The following UGT1A9 variants were observed in gnomAD, a reference collection of about 807,000 sequenced individuals.
UGT1A9 encodes UDP glucuronosyltransferase family 1 member A9.
UGT1A9 carries 35 observed loss-of-function variants against 45.0 expected under a neutral mutation model. That is an observed-to-expected ratio of 0.78 (90% CI 0.59 to 1.03). The LOEUF is 1.03. Among genes scored for constraint, UGT1A9 ranks in the 50% least tolerant of loss-of-function variants. The pLI is 0.00. For synonymous variants in UGT1A9, 278 were observed against 250.6 expected, an observed-to-expected ratio of 1.11 and a Z score of -1.03; for missense variants, 687 against 666.6, an observed-to-expected ratio of 1.03 and a Z score of -0.34.
At chr2:233,767,824 G>A (rs201092075) in intron 2 of UGT1A9, 25 bp from the exon 3 acceptor site, 82 of 1,614,024 alleles carry the variant, frequency 5.1e-5, no homozygotes, top group East Asian at 2.7e-4. Flanking sequence ...CTTTCTTTAC[G>A]TTCTGCTCTT....
intron 1 of UGT1A9, among the ~76,000 whole-genome samples, chr2:233,730,769 G>A (rs1017824034): frequency 2.0e-5 from 3 of 152,108 alleles, no homozygotes; most frequent in Non-Finnish European, 4.4e-5. Context: ...GAATCTATAA[G>A]CCCAGTGAAG....
At chr2:233,684,518 AT>A (rs1229903576) in intron 1 of UGT1A9, among the ~76,000 whole-genome samples, 3 of 152,210 alleles carry the variant, frequency 2.0e-5, no homozygotes, top group Non-Finnish European at 2.9e-5. Context: ...TGTAGAAATT[AT>A]ATATGATTCT....
intron 1 of UGT1A9, among the ~76,000 whole-genome samples, chr2:233,724,370 GC>G (rs1390000328): frequency 6.8e-6 from 1 of 148,040 alleles, no homozygotes; most frequent in Non-Finnish European, 1.5e-5. Flanking sequence ...GGACGGGGTG[GC>G]TGCCGGGCGG....
intron 1 of UGT1A9, among the ~76,000 whole-genome samples, chr2:233,688,937 A>G (rs2074920276): frequency 6.6e-6 from 1 of 152,204 alleles, no homozygotes; most frequent in South Asian, 2.1e-4. Flanking sequence ...TGGCAGGTGC[A>G]GCATGAAGCC....
intron 1 of UGT1A9, chr2:233,741,713 C>T (rs1022518574): frequency 6.6e-6 from 1 of 151,840 alleles, no homozygotes; most frequent in South Asian, 2.1e-4. Flanking sequence ...TCTGAGGGTT[C>T]TAGAGCATAT....
intron 1 of UGT1A9, chr2:233,717,716 G>A (rs2076600817): frequency 2.2e-6 from 1 of 453,938 alleles, no homozygotes; most frequent in Admixed American, 2.4e-5. Flanking sequence ...GAGCCTCATG[G>A]GCATGAGACC....
chr2:233,741,097 A>C (rs1691564364), intron 1 of UGT1A9, among the ~76,000 whole-genome samples: 1 of 151,840 alleles, frequency 6.6e-6, no homozygotes, highest in South Asian at 2.1e-4. Flanking sequence ...ACAAGCAAAC[A>C]GACAATCAAG....
chr2:233,719,326 CTG>C, intron 1 of UGT1A9: 1 of 1,613,946 alleles, frequency 6.2e-7, no homozygotes. Context: ...TCGATTCCTG[CTG>C]TGTTTTTTTG....
In UGT1A9 at chr2:233,772,599, C is replaced by G. The variant is rs1313882407; in HGVS notation, c.*40C>G. 1 of 1,591,492 alleles carries G rather than the reference C, an allele frequency of 6.3e-7. No homozygotes were observed. Among genetic ancestry groups the G allele is most frequent in the Admixed American group, 1.8e-5 (1 of 56,352 alleles). On this transcript the variant is annotated 3_prime_UTR_variant, in exon 5 of 5. Transcript: ENST00000354728. Reference sequence around the variant, plus strand: ...ATAAGGTAAAATTTTGAACCATTCCCTAGTCATTTCCAAACTTGAAAACAG... The same window carrying G: ...ATAAGGTAAAATTTTGAACCATTCCGTAGTCATTTCCAAACTTGAAAACAG...
chr2:233,703,725 A>AC (rs2125593677), intron 1 of UGT1A9, among the ~76,000 whole-genome samples: 1 of 152,128 alleles, frequency 6.6e-6, no homozygotes, highest in East Asian at 1.9e-4. Flanking sequence ...TTAAATATAA[A>AC]CTTTTTTTTG....
At chr2:233,729,018 A>G in intron 1 of UGT1A9, 6 of 1,591,202 alleles carry the variant, frequency 3.8e-6, no homozygotes, top group Non-Finnish European at 5.1e-6. Context: ...TCTTCCAATT[A>G]CACGTTGATT....
chr2:233,715,167 C>T (rs767247099), intron 1 of UGT1A9, among the ~76,000 whole-genome samples: 6 of 152,042 alleles, frequency 3.9e-5, no homozygotes, highest in Non-Finnish European at 7.4e-5. Flanking sequence ...ATTACAGGCG[C>T]GAGCCACCAC....
At position 233,723,536 on chromosome 2, in the gene UGT1A9, T is replaced by TTTA. The variant is rs1553611580; in HGVS notation, c.856-43498_856-43497insTTA. Among the ~76,000 whole-genome samples, 173 of 121,466 alleles carry TTTA rather than the reference T, an allele frequency of 1.4e-3. 3 individuals carry two copies. Among genetic ancestry groups the TTTA allele is most frequent in the African/African-American group, 3.3e-3 (98 of 29,940 alleles). 79.7% of individuals were successfully genotyped at this position (121,466 alleles called of 152,430 possible). A position where few individuals can be genotyped will look rare whatever the true frequency, so the allele number is the denominator to read the frequency against. On this transcript the variant is annotated intron_variant, in intron 1 of 4. Transcript: ENST00000354728. Reference sequence around the variant, plus strand: ...ACAATCTTTTTTTTTTTTTTTTTTTTAATTTATTTTTTTATTGATAATTCT... The same window carrying TTTA: ...ACAATCTTTTTTTTTTTTTTTTTTTTTTAAATTTATTTTTTTATTGATAATTCT...
chr2:233,719,074 C>T, intron 1 of UGT1A9: 1 of 1,614,224 alleles, frequency 6.2e-7, no homozygotes, highest in Non-Finnish European at 8.5e-7. Flanking sequence ...GTTCCATGGA[C>T]CCAGAAGGAA....
At chr2:233,691,502 G>A (rs1304193805) in intron 1 of UGT1A9, 2 of 985,742 alleles carry the variant, frequency 2.0e-6, no homozygotes, top group Non-Finnish European at 2.4e-6. Flanking sequence ...ACAGGAACTC[G>A]CGTGCCAGCC....
intron 1 of UGT1A9, among the ~76,000 whole-genome samples, chr2:233,765,129 C>T (rs936294408): frequency 1.3e-5 from 2 of 152,146 alleles, no homozygotes; most frequent in African/African-American, 2.4e-5. Flanking sequence ...CAGGTTTTAG[C>T]ACTGAACATC....
chr2:233,760,536 C>T (rs2125985634), intron 1 of UGT1A9: 27 of 1,614,224 alleles, frequency 1.7e-5, no homozygotes, highest in Non-Finnish European at 2.3e-5. Flanking sequence ...CTGTGCCATT[C>T]CAAAGGGAGG....
chr2:233,740,756 T>G (rs1289445141), intron 1 of UGT1A9: 2 of 151,784 alleles, frequency 1.3e-5, no homozygotes, highest in Non-Finnish European at 1.5e-5. Flanking sequence ...TCTGAAAACC[T>G]TATCAAACCG....
Position 233,757,535 on chromosome 2 carries a change from A to AATATATATATATATATATATAT in UGT1A9, c.856-9494_856-9473dup, listed in dbSNP as rs67292694. Among the ~76,000 whole-genome samples, 69 of 88,256 alleles carry AATATATATATATATATATATAT rather than the reference A, an allele frequency of 7.8e-4. 1 individual carries two copies. Among genetic ancestry groups the AATATATATATATATATATATAT allele is most frequent in the South Asian group, 4.2e-3 (8 of 1,918 alleles). 57.9% of individuals were successfully genotyped at this position (88,256 alleles called of 152,430 possible). ...CAAAGCCAAAATCTTGCCTGTAAGG[A>AATATATATATATATATATATAT]ATATATATATATATATATATATATA... On this transcript the variant is annotated intron_variant, in intron 1 of 4. Transcript: ENST00000354728.
Sources: allele counts gnomAD v4.1 joint callset (sites outside exome capture counted in the v4.1 genomes callset), GRCh38; gene constraint gnomAD v4.1.1; transcripts MANE v1.5; gene names NCBI Gene and HGNC (gene_info 2026-07-23, HGNC 2026-07-21).